The following SCHIP1 variants were observed in gnomAD, a reference collection of about 807,000 sequenced individuals.
The protein encoded by SCHIP1 is schwannomin interacting protein 1, also known as schwannomin-interacting protein 1.
A neutral mutation model predicts 29.7 loss-of-function variants in SCHIP1; 8 were observed. That is an observed-to-expected ratio of 0.27 (90% confidence interval 0.16 to 0.49). The LOEUF (loss-of-function observed/expected upper bound fraction) is 0.49. SCHIP1 is among the 20% of genes least tolerant of loss of function. The probability of loss-of-function intolerance (pLI) is 0.99; values close to 1 mark genes in which losing one functional copy is unlikely to be tolerated. For synonymous variants in SCHIP1, 76 were observed against 94.9 expected (o/e 0.80, Z 1.16); for missense variants, 193 against 294.6 (o/e 0.66, Z 2.52).
intron 1 of SCHIP1, among the ~76,000 whole-genome samples, chr3:159,864,080 T>C (rs939047657): frequency 2.0e-4 from 31 of 152,218 alleles, no homozygotes; most frequent in African/African-American, 6.5e-4. Context: ...TTGAGGACTT[T>C]GGTGAGAATC....
chr3:159,340,216 A>G, the SCHIP1 span, among the ~76,000 whole-genome samples: 1 of 152,098 alleles, frequency 6.6e-6, no homozygotes, highest in Non-Finnish European at 1.5e-5. Flanking sequence ...TCTAGGGCTT[A>G]TTAAAATTGG....
At chr3:159,841,026 G>T (rs879781719) in intron 1 of SCHIP1, among the ~76,000 whole-genome samples, 4 of 152,168 alleles carry the variant, frequency 2.6e-5, no homozygotes, top group Non-Finnish European at 5.9e-5. Context: ...GGCAGGGCTG[G>T]TCCAAATCTT....
chr3:159,885,558 G>A (rs1333846924), intron 2 of SCHIP1, among the ~76,000 whole-genome samples: 1 of 152,192 alleles, frequency 6.6e-6, no homozygotes, highest in Non-Finnish European at 1.5e-5. Flanking sequence ...TCTGTGTGCA[G>A]GAGGTGGTCT....
At chr3:159,650,597 T>C in the SCHIP1 span, among the ~76,000 whole-genome samples, 1 of 152,110 alleles carries the variant, frequency 6.6e-6, no homozygotes, top group Non-Finnish European at 1.5e-5. Context: ...AGTCCAATTC[T>C]GAGAAAAATA....
chr3:159,716,703 T>C, the SCHIP1 span, among the ~76,000 whole-genome samples: 3 of 152,278 alleles, frequency 2.0e-5, no homozygotes, highest in African/African-American at 7.2e-5. Flanking sequence ...CCTAAGTATA[T>C]ATGCACCCAA....
the SCHIP1 span, among the ~76,000 whole-genome samples, chr3:159,523,033 A>G: frequency 6.6e-6 from 1 of 152,178 alleles, no homozygotes; most frequent in Non-Finnish European, 1.5e-5. Flanking sequence ...GGCCTCAACA[A>G]CTATCACATA....
the SCHIP1 span, among the ~76,000 whole-genome samples, chr3:159,349,257 G>A: frequency 2.2e-4 from 33 of 152,218 alleles, no homozygotes; most frequent in Admixed American, 8.5e-4. Context: ...CACCCATGTC[G>A]TGCAAGCGAT....
chr3:159,440,587 A>G, the SCHIP1 span, among the ~76,000 whole-genome samples: 4 of 152,158 alleles, frequency 2.6e-5, no homozygotes, highest in African/African-American at 9.6e-5. Context: ...CTTTTGCCAA[A>G]TATTTTAAGA....
chr3:159,517,422 C>G, the SCHIP1 span, among the ~76,000 whole-genome samples: 1 of 151,890 alleles, frequency 6.6e-6, no homozygotes, highest in Non-Finnish European at 1.5e-5. Context: ...TAAATACATG[C>G]CTTCAAAATA....
chr3:159,671,964 G>T, the SCHIP1 span, among the ~76,000 whole-genome samples: 1 of 152,132 alleles, frequency 6.6e-6, no homozygotes, highest in African/African-American at 2.4e-5. Flanking sequence ...GTACTAAAAA[G>T]AATGTGTGAT....
the SCHIP1 span, among the ~76,000 whole-genome samples, chr3:159,409,141 C>A: frequency 6.6e-6 from 1 of 152,006 alleles, no homozygotes; most frequent in Non-Finnish European, 1.5e-5. Context: ...CATACCTCAA[C>A]ACAATAAAAG....
chr3:159,471,900 G>A, the SCHIP1 span, among the ~76,000 whole-genome samples: 5 of 152,252 alleles, frequency 3.3e-5, no homozygotes, highest in Middle Eastern at 6.8e-3. Flanking sequence ...CTGTGACACT[G>A]ATGAGCTCTT....
chr3:159,274,382 T>C, the SCHIP1 span: 37 of 973,882 alleles, frequency 3.8e-5, no homozygotes, highest in Non-Finnish European at 2.4e-5. Flanking sequence ...AGATATTTGA[T>C]GACTTAAAAA....
chr3:159,401,335 A>C, the SCHIP1 span: 2 of 964,286 alleles, frequency 2.1e-6, no homozygotes, highest in South Asian at 9.6e-5. Flanking sequence ...TCTTTGAGGC[A>C]TCTAGACTAA....
the SCHIP1 span, among the ~76,000 whole-genome samples, chr3:159,496,007 C>A: frequency 6.6e-6 from 1 of 152,118 alleles, no homozygotes; most frequent in Non-Finnish European, 1.5e-5. Flanking sequence ...ATGGGGAAAG[C>A]ATTCCCTATT....
intron 1 of SCHIP1, among the ~76,000 whole-genome samples, chr3:159,852,758 G>T (rs993886728): frequency 6.6e-6 from 1 of 151,982 alleles, no homozygotes; most frequent in African/African-American, 2.4e-5. Context: ...ACTTTTACAT[G>T]AGATTTTAAG....
the SCHIP1 span, among the ~76,000 whole-genome samples, chr3:159,430,308 T>G: frequency 2.0e-5 from 3 of 152,192 alleles, no homozygotes; most frequent in African/African-American, 4.8e-5. Flanking sequence ...ATGTGGAAAA[T>G]TTCTCTCATT....
At chr3:159,871,931 G>A (rs1008939187) in intron 2 of SCHIP1, among the ~76,000 whole-genome samples, 3 of 152,116 alleles carry the variant, frequency 2.0e-5, no homozygotes, top group Admixed American at 6.5e-5. Flanking sequence ...CTTTGTGTTC[G>A]GTCCTACTTC....
the SCHIP1 span, among the ~76,000 whole-genome samples, chr3:159,312,155 AG>A: frequency 2.0e-5 from 3 of 152,196 alleles, no homozygotes; most frequent in African/African-American, 7.2e-5. Flanking sequence ...GTTATGAGCC[AG>A]GGATCTCCTA....
Sources: allele counts gnomAD v4.1 joint callset (sites outside exome capture counted in the v4.1 genomes callset), GRCh38; gene constraint gnomAD v4.1.1; transcripts MANE v1.5; gene names NCBI Gene and HGNC (gene_info 2026-07-23, HGNC 2026-07-21).